Variants in NDUFAF2 observed in about 807,000 individuals in gnomAD.
NDUFAF2 encodes the protein NADH dehydrogenase [ubiquinone] 1 alpha subcomplex assembly factor 2.
In NDUFAF2, 13 loss-of-function variants were observed where a neutral mutation model predicts 22.8. That is an observed-to-expected ratio of 0.57 (90% CI 0.37 to 0.91). NDUFAF2 has a LOEUF of 0.91. NDUFAF2 is among the 40% of genes least tolerant of loss of function. The probability of loss-of-function intolerance (pLI) is 0.01; values close to 1 mark genes in which losing one functional copy is unlikely to be tolerated. For synonymous variants in NDUFAF2, 53 were observed against 64.2 expected, an observed-to-expected ratio of 0.83 and a Z score of 0.84; for missense variants, 162 against 195.2, an observed-to-expected ratio of 0.83 and a Z score of 1.01.
At chr5:61,031,074 C>T (rs766480331) in intron 1 of NDUFAF2, among the ~76,000 whole-genome samples, 12 of 151,996 alleles carry the variant, frequency 7.9e-5, no homozygotes, top group Non-Finnish European at 7.4e-5. Flanking sequence ...TGAGAGTATT[C>T]GTTATTCTTA....
At chr5:60,981,282 A>T (rs1750973745) in intron 1 of NDUFAF2, among the ~76,000 whole-genome samples, 1 of 152,188 alleles carries the variant, frequency 6.6e-6, no homozygotes, top group Admixed American at 6.5e-5. Flanking sequence ...CAGTGGCATG[A>T]CATATTTAAC....
chr5:61,133,566 G>A (rs1178199196), intron 3 of NDUFAF2, among the ~76,000 whole-genome samples: 1 of 151,988 alleles, frequency 6.6e-6, no homozygotes, highest in Non-Finnish European at 1.5e-5. Context: ...AAAGGGAAGG[G>A]GTATAAGCAA....
At chr5:61,080,986 T>C (rs1752433502) in intron 2 of NDUFAF2, among the ~76,000 whole-genome samples, 1 of 152,224 alleles carries the variant, frequency 6.6e-6, no homozygotes, top group African/African-American at 2.4e-5. Context: ...TTTGGGGTTC[T>C]ACAGTTTTGG....
intron 1 of NDUFAF2, among the ~76,000 whole-genome samples, chr5:61,061,885 T>G (rs1752169420): frequency 6.6e-6 from 1 of 152,174 alleles, no homozygotes; most frequent in Admixed American, 6.5e-5. Flanking sequence ...CCTACACTGC[T>G]GCAGTCAGTA....
chr5:60,986,846 C>T (rs555917263), intron 1 of NDUFAF2, among the ~76,000 whole-genome samples: 48 of 151,096 alleles, frequency 3.2e-4, no homozygotes, highest in Non-Finnish European at 5.6e-4. Flanking sequence ...GCAGGAGAAT[C>T]GCCTGATTCC....
chr5:61,045,972 T>A (rs917617857), intron 1 of NDUFAF2, among the ~76,000 whole-genome samples: 2 of 152,210 alleles, frequency 1.3e-5, no homozygotes, highest in Non-Finnish European at 2.9e-5. Flanking sequence ...GGCCTTATTG[T>A]GTTGAGGTAC....
rs930589959 is a variant in NDUFAF2, at chr5:61,112,213, C to A, written c.258+13181C>A. 3.1e-4 allele frequency among the ~76,000 whole-genome samples: 43 copies of A among 140,026 alleles called. 1 individual carries two copies. The highest frequency in any genetic ancestry group is 2.7e-4 in the East Asian group (1 of 3,716). 91.9% of individuals were successfully genotyped at this position (140,026 alleles called of 152,430 possible). A position where few individuals can be genotyped will look rare whatever the true frequency, so the allele number is the denominator to read the frequency against. On this transcript the variant is annotated intron_variant, in intron 3 of 3. Transcript: ENST00000296597. The stretch of plus-strand genomic sequence containing the variant: ...CATTATATAATGACCTTCTTTATCC[C>A]CCCCCCTTTTTTTTTTTTTGAGACA...
At chr5:61,070,980 C>T (rs551354973) in intron 1 of NDUFAF2, among the ~76,000 whole-genome samples, 1 of 151,992 alleles carries the variant, frequency 6.6e-6, no homozygotes, top group Non-Finnish European at 1.5e-5. Context: ...ATGAAGACAT[C>T]GGTATTTGAC....
intron 3 of NDUFAF2, among the ~76,000 whole-genome samples, chr5:61,120,808 T>C (rs1752966147): frequency 6.6e-6 from 1 of 152,046 alleles, no homozygotes; most frequent in African/African-American, 2.4e-5. Flanking sequence ...TGAAAAGGGG[T>C]TAAAGGAGTT....
intron 1 of NDUFAF2, among the ~76,000 whole-genome samples, chr5:60,967,125 G>T (rs975664834): frequency 6.6e-6 from 1 of 151,818 alleles, no homozygotes; most frequent in Non-Finnish European, 1.5e-5. Context: ...AAATGGAATT[G>T]ATTTTTTTAT....
intron 2 of NDUFAF2, among the ~76,000 whole-genome samples, chr5:61,074,923 A>T (rs1292812538): frequency 6.6e-6 from 1 of 152,176 alleles, no homozygotes; most frequent in Non-Finnish European, 1.5e-5. Context: ...TGGCAGCGGG[A>T]GAGAGAATAA....
At chr5:60,968,850 CCACCCCTCTACTACCCT>C (rs1461015380) in intron 1 of NDUFAF2, among the ~76,000 whole-genome samples, 2 of 151,946 alleles carry the variant, frequency 1.3e-5, no homozygotes, top group Non-Finnish European at 2.9e-5. Flanking sequence ...CACTTCCCCA[CCACCCCTCTACTACCCT>C]CCCTAGCCTC....
intron 1 of NDUFAF2, among the ~76,000 whole-genome samples, chr5:61,071,217 C>T (rs2111729499): frequency 6.6e-6 from 1 of 152,242 alleles, no homozygotes; most frequent in African/African-American, 2.4e-5. Context: ...TAGTATCAGT[C>T]CCTTGTCCTA....
chr5:61,113,942 T>TTTAGGATCC (rs1433170604), intron 3 of NDUFAF2, among the ~76,000 whole-genome samples: 1 of 152,204 alleles, frequency 6.6e-6, no homozygotes, highest in Non-Finnish European at 1.5e-5. Flanking sequence ...TTCTTGCTAC[T>TTTAGGATCC]TTTAGGATCC....
At chr5:61,008,118 G>C (rs566282672) in intron 1 of NDUFAF2, among the ~76,000 whole-genome samples, 10 of 139,402 alleles carry the variant, frequency 7.2e-5, no homozygotes, top group Admixed American at 3.2e-4. Flanking sequence ...CACATGGACA[G>C]AGGAAGGGGA....
chr5:61,102,691 G>A (rs1244552353), intron 3 of NDUFAF2, among the ~76,000 whole-genome samples: 1 of 151,964 alleles, frequency 6.6e-6, no homozygotes, highest in African/African-American at 2.4e-5. Context: ...CATTATAAGA[G>A]AACATTAGGA....
intron 2 of NDUFAF2, among the ~76,000 whole-genome samples, chr5:61,076,506 G>A (rs1197091151): frequency 6.6e-6 from 1 of 152,228 alleles, no homozygotes; most frequent in Non-Finnish European, 1.5e-5. Context: ...CCCTGAGGCA[G>A]GAACATGCTC....
intron 1 of NDUFAF2, among the ~76,000 whole-genome samples, chr5:60,984,187 A>G (rs1192170192): frequency 6.6e-6 from 1 of 152,084 alleles, no homozygotes; most frequent in African/African-American, 2.4e-5. Context: ...TTCATTCATG[A>G]TTTGGCTGTT....
rs1258173117 is a variant in NDUFAF2, at chr5:60,977,848, A to AAAG, written c.127+32468_127+32469insGAA. ...CAAGACTCTGTCTCAAAAAAAAAAA[A>AAAG]AAAAGAAAAGAAGCCACCAGCAGTC... is the stretch of plus-strand genomic sequence containing the variant. On this transcript the variant is annotated intron_variant, in intron 1 of 3. Transcript: ENST00000296597. 5.9e-5 allele frequency among the ~76,000 whole-genome samples: 9 copies of AAAG among 151,696 alleles called. No homozygotes were observed. The South Asian group carries it at 6.3e-4, about 11-fold the overall frequency.
Sources: allele counts gnomAD v4.1 joint callset (sites outside exome capture counted in the v4.1 genomes callset), GRCh38; gene constraint gnomAD v4.1.1; transcripts MANE v1.5; gene names NCBI Gene and HGNC (gene_info 2026-07-23, HGNC 2026-07-21).